TRDN: variants seen among roughly 807,000 people sequenced by gnomAD.
The protein encoded by TRDN is triadin in skeletal muscle.
Under a neutral mutation model 149.7 loss-of-function variants are expected in TRDN, and 161 were observed. That is an observed-to-expected ratio of 1.08 (90% CI 0.95 to 1.23). The LOEUF (loss-of-function observed/expected upper bound fraction) is 1.23, where lower values mean the gene tolerates loss of function less well. Among genes scored for constraint, TRDN ranks in the 50% most tolerant of loss-of-function variants. The pLI, the probability that TRDN is intolerant of heterozygous loss-of-function variation, is 0.00. For missense variants in TRDN, 896 were observed against 823.5 expected (o/e 1.09, Z -1.08); for synonymous variants, 294 against 250.5 (o/e 1.17, Z -1.64).
chr6:123,251,130 T>C (rs1349451291), intron 38 of TRDN, among the ~76,000 whole-genome samples: 4 of 152,132 alleles, frequency 2.6e-5, no homozygotes, highest in African/African-American at 9.7e-5. Flanking sequence ...ATTTTGTCCT[T>C]GCCATCAGTG....
At chr6:123,585,346 C>G (rs9385307) in intron 1 of TRDN, among the ~76,000 whole-genome samples, 77,668 of 151,278 alleles carry the variant, frequency 0.51, 20,131 homozygotes, top group African/African-American at 0.54. Context: ...GAGTTGGGGA[C>G]TTTTAAGAGG....
chr6:123,438,955 G>T lies in TRDN; in HGVS notation c.980C>A (p.Thr327Lys), dbSNP rs1191609047. Reference sequence around the variant, plus strand: ...TTTAAATTTCCTACCTTTCTTTTTTGTTTCAGAAGTAACTTTCTTCTCAGC... The same window carrying T: ...TTTAAATTTCCTACCTTTCTTTTTTTTTTCAGAAGTAACTTTCTTCTCAGC... ...KKAEKKVTSE[T>K]KKKEKEDIKK... Residue 327 changes from threonine (T) to lysine (K), a missense_variant, in exon 11 of 41, where the codon ACA (threonine) becomes AAA (lysine). By Grantham distance (78) the Thr-to-Lys change is moderately conservative. Coordinates refer to ENST00000334268, the MANE Select transcript of TRDN (RefSeq NM_006073.4). 1 of 1,556,804 alleles carries T rather than the reference G, an allele frequency of 6.4e-7. No individual in the cohort carries two copies. The highest frequency in any genetic ancestry group is 2.0e-5 in the Admixed American group (1 of 51,062).
chr6:123,449,725 G>A (rs1775648025), intron 10 of TRDN, among the ~76,000 whole-genome samples: 1 of 152,060 alleles, frequency 6.6e-6, no homozygotes, highest in African/African-American at 2.4e-5. Context: ...AGAACACCTG[G>A]GAAATTCATT....
At chr6:123,260,676 G>GA (rs761630343) in intron 33 of TRDN, 38 bp from the exon 34 acceptor site, 58 of 1,364,334 alleles carry the variant, frequency 4.3e-5, no homozygotes, top group Admixed American at 9.1e-5. Flanking sequence ...AGAAAGAAAG[G>GA]AAAAAAAATA....
At chr6:123,314,965 A>C (rs542494355) in intron 24 of TRDN, among the ~76,000 whole-genome samples, 1 of 152,148 alleles carries the variant, frequency 6.6e-6, no homozygotes, top group African/African-American at 2.4e-5. Context: ...CCGTGTAACA[A>C]ACCTGCACAT....
At chr6:123,584,183 G>T (rs1225731396) in intron 1 of TRDN, among the ~76,000 whole-genome samples, 2 of 152,164 alleles carry the variant, frequency 1.3e-5, no homozygotes, top group Non-Finnish European at 2.9e-5. Flanking sequence ...CTGGATTGAA[G>T]TCCGGGCCAG....
At chr6:123,386,579 G>A (rs901700308) in intron 14 of TRDN, among the ~76,000 whole-genome samples, 8 of 152,106 alleles carry the variant, frequency 5.3e-5, no homozygotes, top group African/African-American at 9.7e-5. Context: ...ACAGAAAGAC[G>A]GGAGGCTTGT....
intron 24 of TRDN, among the ~76,000 whole-genome samples, chr6:123,284,966 A>T (rs1777748284): frequency 1.3e-5 from 2 of 152,100 alleles, no homozygotes; most frequent in Non-Finnish European, 2.9e-5. Flanking sequence ...AGGAAGTGAA[A>T]CACCTCTACA....
chr6:123,472,565 T>A (rs1193708344), intron 9 of TRDN, among the ~76,000 whole-genome samples: 1 of 152,198 alleles, frequency 6.6e-6, no homozygotes, highest in Non-Finnish European at 1.5e-5. Flanking sequence ...AAGCTCGAAC[T>A]GGGTGGAGCC....
At chr6:123,293,727 G>A (rs1241839859) in intron 24 of TRDN, among the ~76,000 whole-genome samples, 2 of 152,080 alleles carry the variant, frequency 1.3e-5, no homozygotes, top group Non-Finnish European at 2.9e-5. Context: ...GGTCATGAAT[G>A]GGAAGAAGTC....
Position 123,544,115 on chromosome 6 carries a change from A to G in TRDN, c.424+3225T>C, listed in dbSNP as rs547777195. Among the ~76,000 whole-genome samples the G allele has an allele frequency of 9.2e-5, 14 of 152,154 alleles. No individual in the cohort carries two copies. The East Asian group carries it at 2.3e-3, about 25-fold the overall frequency. On this transcript the variant is annotated intron_variant, in intron 4 of 40. Transcript: ENST00000334268. ...TTTTAGAATGCCATCGAATGAATGGAGCTTTAAAATCACCTATCTGTGGAT... is the reference window on the plus strand; with the variant it reads ...TTTTAGAATGCCATCGAATGAATGGGGCTTTAAAATCACCTATCTGTGGAT...
chr6:123,379,275 G>C (rs1781624775), intron 16 of TRDN, among the ~76,000 whole-genome samples: 1 of 152,114 alleles, frequency 6.6e-6, no homozygotes, highest in African/African-American at 2.4e-5. Context: ...AATTAAATAA[G>C]TGTGGTATAA....
intron 5 of TRDN, among the ~76,000 whole-genome samples, chr6:123,527,647 A>G (rs908702453): frequency 1.3e-5 from 2 of 151,880 alleles, no homozygotes; most frequent in African/African-American, 4.8e-5. Flanking sequence ...ATGAGTCACA[A>G]TTTAGTTAAT....
chr6:123,476,757 A>G (rs1777498857), intron 9 of TRDN, among the ~76,000 whole-genome samples: 2 of 149,980 alleles, frequency 1.3e-5, no homozygotes, highest in South Asian at 2.1e-4. Flanking sequence ...ATAACGCCGC[A>G]TATCTATAAC....
chr6:123,535,811 A>T (rs1780499305), intron 4 of TRDN, among the ~76,000 whole-genome samples: 1 of 152,142 alleles, frequency 6.6e-6, no homozygotes, highest in Non-Finnish European at 1.5e-5. Flanking sequence ...TTATTTTAAT[A>T]ATCCTCATAT....
chr6:123,408,047 C>T (rs1773268814), intron 12 of TRDN, among the ~76,000 whole-genome samples: 1 of 152,156 alleles, frequency 6.6e-6, no homozygotes, highest in Non-Finnish European at 1.5e-5. Context: ...AGCTCTCTTC[C>T]TCAGTTTCCC....
intron 2 of TRDN, among the ~76,000 whole-genome samples, chr6:123,570,064 T>G (rs1782484780): frequency 6.6e-6 from 1 of 152,166 alleles, no homozygotes; most frequent in Non-Finnish European, 1.5e-5. Context: ...TAATGAGAAA[T>G]AGGAGAACCC....
chr6:123,570,813 T>G (rs1562396228), intron 2 of TRDN, 110 bp downstream of exon 2: 1 of 944,282 alleles, frequency 1.1e-6, no homozygotes, highest in Non-Finnish European at 1.6e-6. Flanking sequence ...TTGTGGGGTG[T>G]TTCTTCCTCA....
chr6:123,421,656 C>T (rs1397664073), intron 12 of TRDN: 1 of 152,152 alleles, frequency 6.6e-6, no homozygotes, highest in African/African-American at 2.4e-5. Context: ...TAGGTGAGCG[C>T]CACCATTTTT....
Sources: allele counts gnomAD v4.1 joint callset (sites outside exome capture counted in the v4.1 genomes callset), GRCh38; gene constraint gnomAD v4.1.1; transcripts MANE v1.5; gene names NCBI Gene and HGNC (gene_info 2026-07-23, HGNC 2026-07-21).